The following CTDP1 variants were observed in gnomAD, a reference collection of about 807,000 sequenced individuals.
CTDP1 encodes CTD phosphatase 1.
CTDP1 carries 47 observed loss-of-function variants against 91.8 expected under a neutral mutation model. That is an observed-to-expected ratio of 0.51 (90% CI 0.41 to 0.65). The LOEUF is 0.65. Among genes scored for constraint, CTDP1 ranks in the 30% least tolerant of loss-of-function variants. CTDP1 has a pLI of 0.00. For missense variants in CTDP1, 1,272 were observed against 1,373.7 expected (o/e 0.93, Z 1.17); for synonymous variants, 656 against 598.5 (o/e 1.10, Z -1.40).
Position 79,680,217 on chromosome 18 carries a change from G to C in CTDP1, c.270G>C (p.Val90=). ...GGCTGAGGTCGGAGCGCGCGGGCGT[G>C]GTGCGGGAGCTGTGCGCGCAGCCGG... is the stretch of plus-strand genomic sequence containing the variant. ...ERRLRSERAG[V]VRELCAQPGQ... Residue 90 remains valine (V), a synonymous_variant, in exon 1 of 13, where the codon GTG becomes GTC. Coordinates refer to ENST00000613122, the MANE Select transcript of CTDP1 (RefSeq NM_004715.5). 1 of 1,372,138 alleles carries C rather than the reference G, an allele frequency of 7.3e-7. No individual in the cohort carries two copies. Among genetic ancestry groups the C allele is most frequent in the Non-Finnish European group, 9.3e-7 (1 of 1,069,724 alleles). The allele number at this position is 1,372,138 out of a possible 1,614,324, so 85.0% of individuals were successfully genotyped here. A position where few individuals can be genotyped will look rare whatever the true frequency, so the allele number is the denominator to read the frequency against.
rs747807214 is a variant in CTDP1, at chr18:79,715,212, G to A, written c.1752G>A (p.Thr584=). 21 of 1,608,604 alleles carry A rather than the reference G, an allele frequency of 1.3e-5. No individual in the cohort carries two copies. The highest frequency in any genetic ancestry group is 8.6e-5 in the Admixed American group (5 of 58,280). ...QSMEEEEEED[T]DEDDHLIYLE... ...TGGAGGAGGAGGAGGAGGAGGACACGGATGAGGATGACCACCTCATCTACC... is the reference window on the plus strand; with the variant it reads ...TGGAGGAGGAGGAGGAGGAGGACACAGATGAGGATGACCACCTCATCTACC... Residue 584 remains threonine, a synonymous_variant, in exon 8 of 13, where the codon ACG becomes ACA. Coordinates refer to ENST00000613122, the MANE Select transcript of CTDP1 (RefSeq NM_004715.5).
rs1161234425 is a variant in CTDP1, at chr18:79,713,942, G to T, written c.1031-549G>T. Among the ~76,000 whole-genome samples, 42 of 142,094 alleles carry T rather than the reference G, an allele frequency of 3.0e-4. No homozygotes were observed. Among genetic ancestry groups the T allele is most frequent in the Non-Finnish European group, 5.1e-4 (32 of 63,154 alleles). The allele number at this position is 142,094 out of a possible 152,430, so 93.2% of individuals were successfully genotyped here. Reference sequence around the variant, plus strand: ...TTACGGCCACGGTGGCGCCAGGTCTGCAGGGGCTTACGGCCACGGTGGCGC... The same window carrying T: ...TTACGGCCACGGTGGCGCCAGGTCTTCAGGGGCTTACGGCCACGGTGGCGC... On this transcript the variant is annotated intron_variant, in intron 7 of 12. Transcript: ENST00000613122. This position sits in a 1 kb window ranked among gnomAD's most constrained non-coding sequence, Gnocchi z 4.7.
At chr18:79,732,677 C>G (rs1330212363) in intron 11 of CTDP1, among the ~76,000 whole-genome samples, 2 of 151,404 alleles carry the variant, frequency 1.3e-5, no homozygotes, top group African/African-American at 4.9e-5. Context: ...CAGGAGTGCT[C>G]CCAAAATCAC....
intron 8 of CTDP1, 143 bp from the exon 9 acceptor site, chr18:79,717,392 G>A: frequency 8.4e-7 from 1 of 1,194,730 alleles, no homozygotes; most frequent in Non-Finnish European, 1.2e-6. Flanking sequence ...GTCAGGTGAA[G>A]GCCCTGGTGG....
intron 4 of CTDP1, chr18:79,702,682 A>G (rs201383220): frequency 6.7e-6 from 1 of 148,748 alleles, no homozygotes; most frequent in Non-Finnish European, 1.5e-5. Context: ...GTGATTTTTA[A>G]TAATAAAGTA....
intron 6 of CTDP1, among the ~76,000 whole-genome samples, chr18:79,711,421 C>T (rs558394407): frequency 3.9e-5 from 6 of 152,252 alleles, no homozygotes; most frequent in African/African-American, 1.4e-4. Context: ...GCCAGGGCTC[C>T]TGGGGAACTC....
Position 79,680,135 on chromosome 18 carries a change from CCT to C in CTDP1, c.192_193del (p.Gln65ValfsTer61). 7.0e-7 allele frequency: 1 copy of C among 1,430,562 alleles called. No individual in the cohort carries two copies. The highest frequency in any genetic ancestry group is 9.1e-7 in the Non-Finnish European group (1 of 1,093,934). 88.6% of individuals were successfully genotyped at this position (1,430,562 alleles called of 1,614,324 possible). ...GCCGCCTCCGCGCAGTCCTCCGGGG[CCT>C]CTCAGTCCCGTGTAGCCTCCGGGGG... On this transcript the variant is annotated frameshift_variant, in exon 1 of 13. Coordinates refer to ENST00000613122, the MANE Select transcript of CTDP1 (RefSeq NM_004715.5). LOFTEE classifies it high-confidence loss of function.
At position 79,679,885 on chromosome 18, in the gene CTDP1, AGGCGCTGCGCTCTG is replaced by A. The variant is rs2085317453; in HGVS notation, c.-62_-49del. 1 of 1,287,644 alleles carries A rather than the reference AGGCGCTGCGCTCTG, an allele frequency of 7.8e-7. No individual in the cohort carries two copies. The highest frequency in any genetic ancestry group is 1.6e-5 in the African/African-American group (1 of 61,842). The allele number at this position is 1,287,644 out of a possible 1,614,324, so 79.8% of individuals were successfully genotyped here. A position where few individuals can be genotyped will look rare whatever the true frequency, so the allele number is the denominator to read the frequency against. On this transcript the variant is annotated 5_prime_UTR_variant, in exon 1 of 13. Transcript: ENST00000613122. The stretch of plus-strand genomic sequence containing the variant: ...GCCGCCTGGGTTGTGTCGCCGCGGT[AGGCGCTGCGCTCTG>A]AGCGCAGCGCAGGCCCCGTACCGAC...
At chr18:79,689,131 A>G (rs1160204222) in intron 1 of CTDP1, among the ~76,000 whole-genome samples, 3 of 152,194 alleles carry the variant, frequency 2.0e-5, no homozygotes, top group East Asian at 1.9e-4. Flanking sequence ...CCCACGTGGC[A>G]TCGCTGGTTG....
chr18:79,684,451 T>C (rs1374825859), intron 1 of CTDP1, among the ~76,000 whole-genome samples: 3 of 152,152 alleles, frequency 2.0e-5, no homozygotes, highest in Non-Finnish European at 4.4e-5. Context: ...CCTCTATAAA[T>C]AGCAGGTGTG....
In CTDP1 at chr18:79,714,921, G is replaced by C; in HGVS notation, c.1461G>C (p.Pro487=). The C allele has an allele frequency of 6.4e-7, 1 of 1,564,944 alleles. No homozygotes were observed. Among genetic ancestry groups the C allele is most frequent in the Non-Finnish European group, 8.7e-7 (1 of 1,154,996 alleles). The change falls in exon 8 of 13, where the codon CCG becomes CCC. Residue 487 remains proline, a synonymous_variant. Coordinates refer to ENST00000613122, the MANE Select transcript of CTDP1 (RefSeq NM_004715.5). ...AGGGGAAAAGAGGCCGGCAGAAGCCGAAGGCTGCCCCAGAGGGAGCCGGGG... is the reference window on the plus strand; with the variant it reads ...AGGGGAAAAGAGGCCGGCAGAAGCCCAAGGCTGCCCCAGAGGGAGCCGGGG... ...ESEGKRGRQK[P]KAAPEGAGAL...
At chr18:79,744,970 G>A (rs938688919) in intron 12 of CTDP1, among the ~76,000 whole-genome samples, 18 of 152,222 alleles carry the variant, frequency 1.2e-4, no homozygotes, top group African/African-American at 3.9e-4. Context: ...GGGCCGTGGA[G>A]CAGGAGTGTC....
intron 1 of CTDP1, 74 bp downstream of exon 1, chr18:79,680,335 T>C: frequency 8.4e-7 from 1 of 1,187,952 alleles, no homozygotes; most frequent in Non-Finnish European, 1.1e-6. Flanking sequence ...CCCGGGCTGC[T>C]GCGTCCGCGG....
intron 4 of CTDP1, chr18:79,702,633 C>G (rs951573940): frequency 6.6e-6 from 1 of 152,208 alleles, no homozygotes; most frequent in South Asian, 2.1e-4. Context: ...CTCGGCCTCC[C>G]AAAGTGTTGG....
At chr18:79,699,334 C>T (rs191940062) in intron 4 of CTDP1, among the ~76,000 whole-genome samples, 1 of 152,294 alleles carries the variant, frequency 6.6e-6, no homozygotes, top group Non-Finnish European at 1.5e-5. Context: ...GATCTTGGCT[C>T]ACTGCAAGCT....
intron 5 of CTDP1, among the ~76,000 whole-genome samples, chr18:79,710,138 A>G (rs770084779): frequency 6.6e-6 from 1 of 152,180 alleles, no homozygotes; most frequent in Non-Finnish European, 1.5e-5. Flanking sequence ...ACTTATCAAC[A>G]TGGTTTGTGT....
chr18:79,695,693 T>G (rs921805183), intron 2 of CTDP1, among the ~76,000 whole-genome samples: 1 of 152,212 alleles, frequency 6.6e-6, no homozygotes, highest in Admixed American at 6.5e-5. Flanking sequence ...TTTTCTGCGT[T>G]TTCATGGTTG....
At position 79,729,031 on chromosome 18, in the gene CTDP1, A is replaced by C; in HGVS notation, c.2542A>C (p.Thr848Pro). ...TATGTCTGAGACAATGCCGCTGTAC[A>C]CTCTTTGTAAGGAGGATTTAGAGAG... is the stretch of plus-strand genomic sequence containing the variant. Reference protein sequence around the residue: ...PSMSETMPLYTLCKEDLESMD... With the variant: ...PSMSETMPLYPLCKEDLESMD... The change falls in exon 11 of 13, where the codon ACT becomes CCT. Residue 848 changes from threonine (T) to proline (P), a missense_variant. Physicochemically the swap from Thr to Pro is conservative, Grantham distance 38. Around this residue, in one of 3 missense-constraint regions of CTDP1, gnomAD observed 881 missense variants for 911.6 expected, o/e 0.97. Coordinates refer to ENST00000613122, the MANE Select transcript of CTDP1 (RefSeq NM_004715.5). 1 of 1,613,806 alleles carries C rather than the reference A, an allele frequency of 6.2e-7. No individual in the cohort carries two copies. Among genetic ancestry groups the C allele is most frequent in the East Asian group, 2.2e-5 (1 of 44,870 alleles).
intron 12 of CTDP1, 125 bp from the exon 13 acceptor site, chr18:79,753,521 GTGTCCT>G: frequency 4.2e-6 from 6 of 1,433,618 alleles, no homozygotes; most frequent in Non-Finnish European, 5.8e-6. Context: ...TGGCCTGTGT[GTGTCCT>G]TGACCAGAGA....
Sources: gnomAD v4.1 joint callset for allele counts (sites outside exome capture counted in the v4.1 genomes callset) on GRCh38, gnomAD v4.1.1 for gene constraint, gnomAD v4.1.1 regional missense constraint, Gnocchi (gnomAD v3.1) non-coding constraint, MANE v1.5 for transcripts, NCBI Gene and HGNC (gene_info 2026-07-23, HGNC 2026-07-21) for gene names.